Variants in FTO observed in about 807,000 individuals in gnomAD.
FTO encodes FTO alpha-ketoglutarate dependent dioxygenase.
Under a neutral mutation model 63.9 loss-of-function variants are expected in FTO, and 47 were observed. That is an observed-to-expected ratio of 0.74 (90% CI 0.58 to 0.94). FTO has a LOEUF of 0.94. FTO is among the 40% of genes least tolerant of loss of function. FTO has a pLI of 0.00. For missense variants in FTO, 562 were observed against 618.1 expected (o/e 0.91, Z 0.96); for synonymous variants, 207 against 224.4 (o/e 0.92, Z 0.69).
intron 8 of FTO, among the ~76,000 whole-genome samples, chr16:53,955,768 C>T (rs2082914513): frequency 2.0e-5 from 3 of 152,116 alleles, no homozygotes; most frequent in Admixed American, 2.0e-4. Context: ...ACCATAAGTA[C>T]ATCATGAGCT....
chr16:54,017,708 GAAAGAAAAGAAAAGTCAGAGTTTA>G (rs2084486321), intron 8 of FTO, among the ~76,000 whole-genome samples: 1 of 151,984 alleles, frequency 6.6e-6, no homozygotes, highest in Non-Finnish European at 1.5e-5. Flanking sequence ...TTTAAAAAAG[GAAAGAAAAGAAAAGTCAGAGTTTA>G]AAAGAAAAAT....
rs2086983393 is a variant in FTO at position 54,117,855 on chromosome 16, A to G, written c.*5940A>G. 1.3e-5 allele frequency: 2 copies of G among 152,322 alleles called. No individual in the cohort carries two copies. Among genetic ancestry groups the G allele is most frequent in the Middle Eastern group, 3.4e-3 (1 of 294 alleles). The allele number at this position is 152,322 out of a possible 1,614,324, so 9.4% of individuals were successfully genotyped here. A position where few individuals can be genotyped will look rare whatever the true frequency, so the allele number is the denominator to read the frequency against. On this transcript the variant is annotated 3_prime_UTR_variant, in exon 9 of 9. Coordinates refer to ENST00000471389, the MANE Select transcript of FTO (RefSeq NM_001080432.3). ...AATGTCTAAGTACCAGGGTCAGTCT[A>G]TTTCAAGGGGAGGGAAGCATTAATT...
intron 5 of FTO, among the ~76,000 whole-genome samples, 198 bp downstream of exon 5, chr16:53,874,063 G>C (rs1019275706): frequency 1.4e-4 from 21 of 152,180 alleles, no homozygotes; most frequent in African/African-American, 5.1e-4. Flanking sequence ...TCATGCCATG[G>C]GATAAGTGTG....
At position 54,118,354 on chromosome 16, in the gene FTO, TTTTTTTTTTTTC is replaced by T. The variant is rs2086985856; in HGVS notation, c.*6452_*6463del. On this transcript the variant is annotated 3_prime_UTR_variant, in exon 9 of 9. Transcript: ENST00000471389. ...TGGCATGAAGCTCTTTCACACAGTC[TTTTTTTTTTTTC>T]TTTTTTTTTTTCAGACAGGGTCTCA... The T allele has an allele frequency of 7.3e-6, 1 of 137,864 alleles. No homozygotes were observed. The highest frequency in any genetic ancestry group is 1.6e-5 in the Non-Finnish European group (1 of 63,884). 8.5% of individuals were successfully genotyped at this position (137,864 alleles called of 1,614,324 possible). A position where few individuals can be genotyped will look rare whatever the true frequency, so the allele number is the denominator to read the frequency against.
In FTO at chr16:54,114,490, T is replaced by A. The variant is rs750054407; in HGVS notation, c.*2575T>A. 6.6e-6 allele frequency: 1 copy of A among 152,158 alleles called. No individual in the cohort carries two copies. Among genetic ancestry groups the A allele is most frequent in the Non-Finnish European group, 1.5e-5 (1 of 68,030 alleles). The allele number at this position is 152,158 out of a possible 1,614,324, so 9.4% of individuals were successfully genotyped here. ...CGAGAGATTTTGCTGTTTTTTTCCTTTTGCATGGATGAGCCAGCTTCACTG... is the reference window on the plus strand; with the variant it reads ...CGAGAGATTTTGCTGTTTTTTTCCTATTGCATGGATGAGCCAGCTTCACTG... On this transcript the variant is annotated 3_prime_UTR_variant, in exon 9 of 9. Transcript: ENST00000471389.
At chr16:53,797,302 A>C (rs537591526) in intron 1 of FTO, among the ~76,000 whole-genome samples, 1 of 152,204 alleles carries the variant, frequency 6.6e-6, no homozygotes, top group Non-Finnish European at 1.5e-5. Context: ...GGTGGTATAT[A>C]TTGTTGCTTG....
At chr16:53,793,540 A>G (rs1235222481) in intron 1 of FTO, among the ~76,000 whole-genome samples, 2 of 152,228 alleles carry the variant, frequency 1.3e-5, no homozygotes, top group South Asian at 2.1e-4. Flanking sequence ...TTGGAAAACT[A>G]TGAGTTATAG....
chr16:54,049,893 C>T (rs1321641996), intron 8 of FTO, among the ~76,000 whole-genome samples: 1 of 152,162 alleles, frequency 6.6e-6, no homozygotes, highest in Admixed American at 6.5e-5. Flanking sequence ...TGGCTCTCAG[C>T]GTCAAAGCAT....
chr16:53,709,190 A>G (rs2075706202), intron 1 of FTO, among the ~76,000 whole-genome samples: 1 of 152,186 alleles, frequency 6.6e-6, no homozygotes, highest in African/African-American at 2.4e-5. Context: ...GTGATTGCTT[A>G]TGCTATGGAC....
intron 4 of FTO, among the ~76,000 whole-genome samples, chr16:53,860,413 G>T (rs1241336901): frequency 6.6e-6 from 1 of 152,202 alleles, no homozygotes; most frequent in East Asian, 1.9e-4. Context: ...AACTGTATTA[G>T]TCTGTCACAT....
At chr16:53,873,992 G>A (rs760256344) in intron 5 of FTO, 127 bp downstream of exon 5, 135 of 717,764 alleles carry the variant, frequency 1.9e-4, no homozygotes, top group Non-Finnish European at 2.7e-4. Context: ...CTTGACTTTC[G>A]TCTCTGTTTA....
chr16:53,890,549 T>C lies in FTO; in HGVS notation c.1239+1598T>C, dbSNP rs76524932. On this transcript the variant is annotated intron_variant, in intron 7 of 8. Transcript: ENST00000471389. ...GGATCAGAATCCAAAAGTCCTTGCT[T>C]TCCAGACATCTCAAATCTTTAAATC... Among the ~76,000 whole-genome samples the C allele has an allele frequency of 7.9e-3, 1,207 of 152,322 alleles. 14 individuals are homozygous for C. The highest frequency in any genetic ancestry group is 0.028 in the African/African-American group (1,157 of 41,572).
At chr16:53,817,574 A>G (rs1002854887) in intron 2 of FTO, among the ~76,000 whole-genome samples, 2 of 126,370 alleles carry the variant, frequency 1.6e-5, no homozygotes, top group African/African-American at 5.9e-5. Context: ...TGAATATTTA[A>G]ATTTTTTTTT....
rs912961135 is a variant in FTO at position 53,767,536 on chromosome 16, TC to T, written c.46-42603del. 2.6e-3 allele frequency among the ~76,000 whole-genome samples: 388 copies of T among 152,062 alleles called. 1 individual carries two copies. The highest frequency in any genetic ancestry group is 8.6e-3 in the African/African-American group (359 of 41,528). ...ATAAAAAATAAATAAAATACTATAA[TC>T]TGACTTTTTTATTTTTACTTTTTTA... On this transcript the variant is annotated intron_variant, in intron 1 of 8. Coordinates refer to ENST00000471389, the MANE Select transcript of FTO (RefSeq NM_001080432.3).
intron 7 of FTO, among the ~76,000 whole-genome samples, chr16:53,896,645 A>G (rs1245613216): frequency 1.3e-5 from 2 of 152,238 alleles, no homozygotes; most frequent in African/African-American, 4.8e-5. Context: ...AATATAAAAC[A>G]TACATAAATG....
rs57925273 is a variant in FTO, at chr16:53,950,155, TAA to T, written c.1364+16069_1364+16070del. Among the ~76,000 whole-genome samples, 141 of 50,620 alleles carry T rather than the reference TAA, an allele frequency of 2.8e-3. 4 individuals carry two copies. Among genetic ancestry groups the T allele is most frequent in the Non-Finnish European group, 4.5e-3 (102 of 22,574 alleles). The allele number at this position is 50,620 out of a possible 152,430, so 33.2% of individuals were successfully genotyped here. ...GGAAAAAAAAAGATATTCACATTTGTAAAAAAAAAAAAAAAAAAAAAAAACTT... is the reference window on the plus strand; with the variant it reads ...GGAAAAAAAAAGATATTCACATTTGTAAAAAAAAAAAAAAAAAAAAAACTT... On this transcript the variant is annotated intron_variant, in intron 8 of 8. Coordinates refer to ENST00000471389, the MANE Select transcript of FTO (RefSeq NM_001080432.3).
chr16:53,730,698 T>G (rs2076252943), intron 1 of FTO, among the ~76,000 whole-genome samples: 1 of 152,052 alleles, frequency 6.6e-6, no homozygotes, highest in Non-Finnish European at 1.5e-5. Context: ...GTTTCGCTAT[T>G]ATTGCCCAGG....
intron 1 of FTO, among the ~76,000 whole-genome samples, chr16:53,706,560 G>A (rs1458638690): frequency 3.3e-5 from 5 of 151,902 alleles, no homozygotes; most frequent in South Asian, 2.1e-4. Context: ...TTCATTCAGC[G>A]TAATGATTTT....
chr16:53,808,187 G>T (rs1168598815), intron 1 of FTO, among the ~76,000 whole-genome samples: 1 of 151,954 alleles, frequency 6.6e-6, no homozygotes, highest in Non-Finnish European at 1.5e-5. Flanking sequence ...AACAAAACTA[G>T]CCAGGCATGG....
Sources: allele counts gnomAD v4.1 joint callset (sites outside exome capture counted in the v4.1 genomes callset), GRCh38; gene constraint gnomAD v4.1.1; transcripts MANE v1.5; gene names NCBI Gene and HGNC (gene_info 2026-07-23, HGNC 2026-07-21).